Variants in MRPL48 observed in about 807,000 individuals in gnomAD.
The protein encoded by MRPL48 is large ribosomal subunit protein mL48.
In MRPL48, 16 loss-of-function variants were observed where a neutral mutation model predicts 32.9. That is an observed-to-expected ratio of 0.49 (90% CI 0.33 to 0.74). The LOEUF (loss-of-function observed/expected upper bound fraction) is 0.74, where lower values mean the gene tolerates loss of function less well. MRPL48 is among the 30% of genes least tolerant of loss of function. The pLI is 0.02. For missense variants in MRPL48, 206 were observed against 245.3 expected (o/e 0.84, Z 1.07); for synonymous variants, 94 against 89.2 (o/e 1.05, Z -0.31).
chr11:73,837,476 TCTGCTCTTTC>T (rs1195955731), intron 4 of MRPL48, among the ~76,000 whole-genome samples: 1 of 152,228 alleles, frequency 6.6e-6, no homozygotes, highest in African/African-American at 2.4e-5. Context: ...CCTTTCTTTA[TCTGCTCTTTC>T]CAGCAAAGTT....
chr11:73,816,303 C>A (rs556002421), intron 3 of MRPL48, among the ~76,000 whole-genome samples: 75 of 141,218 alleles, frequency 5.3e-4, no homozygotes, highest in Non-Finnish European at 8.3e-4. Context: ...CCTCGTGATC[C>A]GCCCGCCTCG....
chr11:73,835,245 G>A (rs1344906305), intron 4 of MRPL48, among the ~76,000 whole-genome samples: 1 of 148,538 alleles, frequency 6.7e-6, no homozygotes, highest in Non-Finnish European at 1.5e-5. Flanking sequence ...TGGTTCAAGC[G>A]ATTCTCTTGC....
chr11:73,822,307 G>A (rs1047430086), intron 3 of MRPL48, among the ~76,000 whole-genome samples: 1 of 152,146 alleles, frequency 6.6e-6, no homozygotes, highest in African/African-American at 2.4e-5. Flanking sequence ...CCCAAAGGCA[G>A]AGTTAGTTTT....
intron 3 of MRPL48, among the ~76,000 whole-genome samples, chr11:73,810,389 A>C (rs1307065560): frequency 6.6e-6 from 1 of 151,896 alleles, no homozygotes; most frequent in Non-Finnish European, 1.5e-5. Context: ...GGCATGGTGG[A>C]GCATGCCTGT....
chr11:73,827,811 T>C (rs1947925511), intron 4 of MRPL48, among the ~76,000 whole-genome samples: 1 of 152,178 alleles, frequency 6.6e-6, no homozygotes, highest in African/African-American at 2.4e-5. Context: ...CATTACCACC[T>C]ATCAGGCCTG....
intron 3 of MRPL48, among the ~76,000 whole-genome samples, chr11:73,813,532 G>T (rs1200964339): frequency 6.6e-6 from 1 of 151,872 alleles, no homozygotes; most frequent in African/African-American, 2.4e-5. Context: ...TTTTTGATTT[G>T]TAAGAACTTT....
At position 73,808,328 on chromosome 11, in the gene MRPL48, A is replaced by C; in HGVS notation, c.90A>C (p.Gly30=). The C allele has an allele frequency of 6.2e-7, 1 of 1,608,578 alleles. No homozygotes were observed. Among genetic ancestry groups the C allele is most frequent in the Non-Finnish European group, 8.5e-7 (1 of 1,176,902 alleles). ...AFSLLRFRTS[G]EKPIYSVGGI... ...CTCCTTTTAGGTTTAGAACTTCAGG[A>C]GAGAAGCCCATCTATTCTGTAGGTA... Residue 30 remains glycine, a synonymous_variant, in exon 3 of 8, where the codon GGA becomes GGC. Coordinates refer to ENST00000310614, the MANE Select transcript of MRPL48 (RefSeq NM_016055.6).
chr11:73,795,922 C>T (rs972031435), intron 1 of MRPL48, among the ~76,000 whole-genome samples: 3 of 152,200 alleles, frequency 2.0e-5, no homozygotes, highest in African/African-American at 7.2e-5. Flanking sequence ...ACTCCTTACC[C>T]ATAAGTAGTC....
chr11:73,823,675 T>A lies in MRPL48; in HGVS notation c.113-2033T>A, dbSNP rs987551432. On this transcript the variant is annotated intron_variant, in intron 3 of 7. Transcript: ENST00000310614. ...TTCTGTTTTTTTTTTTTTTTTTTTT[T>A]AATTTAGAGACAGGATCTTCTTATG... 1.5e-3 allele frequency among the ~76,000 whole-genome samples: 219 copies of A among 147,050 alleles called. 1 individual carries two copies. Among genetic ancestry groups the A allele is most frequent in the African/African-American group, 4.4e-3 (174 of 39,776 alleles).
intron 6 of MRPL48, among the ~76,000 whole-genome samples, chr11:73,861,475 G>T (rs957667629): frequency 3.9e-5 from 6 of 152,076 alleles, no homozygotes; most frequent in Non-Finnish European, 5.9e-5. Flanking sequence ...GTTCAAGCGG[G>T]TCTCCTGCCT....
intron 5 of MRPL48, among the ~76,000 whole-genome samples, chr11:73,853,354 C>T (rs575059894): frequency 6.6e-6 from 1 of 152,064 alleles, no homozygotes; most frequent in Non-Finnish European, 1.5e-5. Flanking sequence ...CCCATATACC[C>T]TATAAATATA....
At chr11:73,805,545 C>T (rs1947433764) in intron 2 of MRPL48, among the ~76,000 whole-genome samples, 1 of 151,942 alleles carries the variant, frequency 6.6e-6, no homozygotes, top group African/African-American at 2.4e-5. Flanking sequence ...ATCTGCCTGC[C>T]TCGGCCTCCC....
intron 5 of MRPL48, among the ~76,000 whole-genome samples, chr11:73,851,953 C>T (rs1370687338): frequency 6.6e-6 from 1 of 151,380 alleles, no homozygotes; most frequent in Non-Finnish European, 1.5e-5. Context: ...AGTGAATGCA[C>T]ACATACATGC....
chr11:73,799,912 T>C (rs774115022), intron 1 of MRPL48, among the ~76,000 whole-genome samples: 1 of 152,172 alleles, frequency 6.6e-6, no homozygotes, highest in South Asian at 2.1e-4. Flanking sequence ...ATGAACTTCA[T>C]TAGTATAAAT....
intron 5 of MRPL48, among the ~76,000 whole-genome samples, chr11:73,853,934 C>A (rs1948444821): frequency 6.6e-6 from 1 of 151,956 alleles, no homozygotes; most frequent in Admixed American, 6.6e-5. Context: ...TCGTGATCCG[C>A]CCACCTCGGC....
At chr11:73,812,529 T>G (rs946789235) in intron 3 of MRPL48, among the ~76,000 whole-genome samples, 1 of 151,820 alleles carries the variant, frequency 6.6e-6, no homozygotes, top group Admixed American at 6.6e-5. Flanking sequence ...CGGCCCAAAC[T>G]GGGTTTTATA....
chr11:73,825,618 C>G, intron 3 of MRPL48, 90 bp from the exon 4 acceptor site: 2 of 1,153,278 alleles, frequency 1.7e-6, no homozygotes, highest in Non-Finnish European at 2.5e-6. Flanking sequence ...TACATCCCAG[C>G]TTGGGTGACA....
At chr11:73,864,215 G>A in intron 7 of MRPL48, 81 bp from the exon 8 acceptor site, 1 of 1,262,716 alleles carries the variant, frequency 7.9e-7, no homozygotes, top group East Asian at 2.5e-5. Context: ...TGGTTCAAGG[G>A]CCCTTTTTGG....
At chr11:73,852,448 G>A (rs1267933158) in intron 5 of MRPL48, among the ~76,000 whole-genome samples, 2 of 113,252 alleles carry the variant, frequency 1.8e-5, no homozygotes, top group African/African-American at 6.4e-5. Context: ...ATCGACAAAA[G>A]ATCTGAATAG....
Sources: gnomAD v4.1 joint callset for allele counts (sites outside exome capture counted in the v4.1 genomes callset) on GRCh38, gnomAD v4.1.1 for gene constraint, MANE v1.5 for transcripts, NCBI Gene and HGNC (gene_info 2026-07-23, HGNC 2026-07-21) for gene names.